The following KCND2 variants were observed in gnomAD, a reference collection of about 807,000 sequenced individuals.
KCND2 encodes the protein potassium voltage-gated channel subfamily D member 2.
Under a neutral mutation model 54.4 loss-of-function variants are expected in KCND2, and 16 were observed. The observed-to-expected ratio is 0.29, with a 90% CI of 0.20 to 0.45. The LOEUF is 0.45. Ranked by LOEUF, KCND2 falls within the 20% of genes least tolerant of loss-of-function variation. The pLI, the probability that KCND2 is intolerant of heterozygous loss-of-function variation, is 1.00. For missense variants in KCND2, 486 were observed against 824.2 expected (o/e 0.59, Z 5.02); for synonymous variants, 317 against 310.7 (o/e 1.02, Z -0.21).
chr7:120,711,167 G>A (rs1285243538), intron 1 of KCND2, among the ~76,000 whole-genome samples: 2 of 151,872 alleles, frequency 1.3e-5, no homozygotes, highest in Non-Finnish European at 2.9e-5. Context: ...TTAAATAAAA[G>A]ATGACAAATT....
chr7:120,468,678 T>C (rs1361626795), intron 1 of KCND2, among the ~76,000 whole-genome samples: 1 of 152,160 alleles, frequency 6.6e-6, no homozygotes, highest in Non-Finnish European at 1.5e-5. Flanking sequence ...CACGATTTTA[T>C]TTACATATTT....
At chr7:120,633,653 T>G (rs1793266528) in intron 1 of KCND2, among the ~76,000 whole-genome samples, 1 of 152,164 alleles carries the variant, frequency 6.6e-6, no homozygotes, top group Non-Finnish European at 1.5e-5. Context: ...ATTAAGAAAG[T>G]TTGGTGACTT....
intron 1 of KCND2, among the ~76,000 whole-genome samples, chr7:120,382,416 T>C (rs148268463): frequency 7.2e-4 from 109 of 152,038 alleles, no homozygotes; most frequent in African/African-American, 2.6e-3. Flanking sequence ...ATAGAATAAT[T>C]CTAATACATT....
chr7:120,368,503 C>T lies in KCND2; in HGVS notation c.1115+92756C>T, dbSNP rs114034440. On this transcript the variant is annotated intron_variant, in intron 1 of 5. Transcript: ENST00000331113. The stretch of plus-strand genomic sequence containing the variant: ...CATGGGAATGACCAATCATCTTTTT[C>T]ATTCTAAAAGTGACTTTTCTCTACC... Among the ~76,000 whole-genome samples, 453 of 152,136 alleles carry T rather than the reference C, an allele frequency of 3.0e-3. 2 individuals carry two copies. Among genetic ancestry groups the T allele is most frequent in the African/African-American group, 0.01 (431 of 41,556 alleles).
chr7:120,482,388 A>T (rs1011490271), intron 1 of KCND2, among the ~76,000 whole-genome samples: 1 of 152,154 alleles, frequency 6.6e-6, no homozygotes, highest in Non-Finnish European at 1.5e-5. Context: ...TGGCACTGGA[A>T]CCAGTTAAAA....
chr7:120,377,050 G>T (rs1020799087), intron 1 of KCND2, among the ~76,000 whole-genome samples: 1 of 151,892 alleles, frequency 6.6e-6, no homozygotes, highest in African/African-American at 2.4e-5. Context: ...CAGTGTTGAA[G>T]AAACTGCTGA....
intron 1 of KCND2, among the ~76,000 whole-genome samples, chr7:120,527,774 A>G (rs1034555488): frequency 2.0e-5 from 3 of 151,810 alleles, no homozygotes; most frequent in African/African-American, 7.3e-5. Context: ...CTGCCTCCTC[A>G]CTCTTCCCAA....
intron 1 of KCND2, among the ~76,000 whole-genome samples, chr7:120,565,662 A>C (rs781505398): frequency 6.6e-6 from 1 of 152,196 alleles, no homozygotes; most frequent in Non-Finnish European, 1.5e-5. Context: ...GGTTTTTAAA[A>C]TAAAGTGCAT....
At chr7:120,562,383 A>G (rs1452840880) in intron 1 of KCND2, among the ~76,000 whole-genome samples, 2 of 152,236 alleles carry the variant, frequency 1.3e-5, no homozygotes, top group Non-Finnish European at 2.9e-5. Flanking sequence ...TTCAAGAAAG[A>G]CAAGGACTAA....
At chr7:120,700,605 G>A (rs375508708) in intron 1 of KCND2, among the ~76,000 whole-genome samples, 2 of 152,176 alleles carry the variant, frequency 1.3e-5, no homozygotes, top group East Asian at 1.9e-4. Context: ...AAACTTTGGA[G>A]AATTTAAAAA....
At chr7:120,619,288 G>C (rs1265850402) in intron 1 of KCND2, among the ~76,000 whole-genome samples, 1 of 152,138 alleles carries the variant, frequency 6.6e-6, no homozygotes, top group Non-Finnish European at 1.5e-5. Context: ...AAATTAGCGG[G>C]ACATGGTAGC....
chr7:120,310,455 T>C (rs1006341518), intron 1 of KCND2, among the ~76,000 whole-genome samples: 1 of 152,194 alleles, frequency 6.6e-6, no homozygotes, highest in African/African-American at 2.4e-5. Flanking sequence ...AATTGGCATC[T>C]GTCAACTATA....
intron 1 of KCND2, among the ~76,000 whole-genome samples, chr7:120,371,437 A>G (rs1301371623): frequency 2.0e-5 from 3 of 152,068 alleles, no homozygotes. Context: ...TTCTTAGACT[A>G]TCTAAACCAG....
At chr7:120,671,498 A>G (rs112401091) in intron 1 of KCND2, among the ~76,000 whole-genome samples, 3 of 152,070 alleles carry the variant, frequency 2.0e-5, no homozygotes, top group African/African-American at 4.8e-5. Flanking sequence ...TGAGTTCTGG[A>G]TACAGGAGCC....
chr7:120,377,553 C>G (rs1381052241), intron 1 of KCND2, among the ~76,000 whole-genome samples: 1 of 70,686 alleles, frequency 1.4e-5, no homozygotes, highest in Non-Finnish European at 4.5e-5. Flanking sequence ...TCTCATTTCC[C>G]TCACCCCAAG....
intron 1 of KCND2, among the ~76,000 whole-genome samples, chr7:120,643,658 T>C (rs1014610123): frequency 1.3e-5 from 2 of 151,952 alleles, no homozygotes; most frequent in Non-Finnish European, 2.9e-5. Flanking sequence ...ATAAGGATCA[T>C]AACAACTTAT....
chr7:120,329,738 G>C (rs1800035620), intron 1 of KCND2, among the ~76,000 whole-genome samples: 1 of 152,054 alleles, frequency 6.6e-6, no homozygotes, highest in Non-Finnish European at 1.5e-5. Context: ...CCCTTAAATT[G>C]GATATTTTAG....
chr7:120,704,770 G>A (rs575093235), intron 1 of KCND2, among the ~76,000 whole-genome samples: 170 of 152,202 alleles, frequency 1.1e-3, no homozygotes, highest in Non-Finnish European at 2.1e-3. Context: ...TATCATTGGA[G>A]CAACCCTGTG....
chr7:120,597,930 G>C (rs1295797037), intron 1 of KCND2, among the ~76,000 whole-genome samples: 3 of 151,998 alleles, frequency 2.0e-5, no homozygotes, highest in African/African-American at 7.2e-5. Context: ...TCTGTCCCTA[G>C]GGTACTCTTC....
Sources: gnomAD v4.1 joint callset for allele counts (sites outside exome capture counted in the v4.1 genomes callset) on GRCh38, gnomAD v4.1.1 for gene constraint, MANE v1.5 for transcripts, NCBI Gene and HGNC (gene_info 2026-07-23, HGNC 2026-07-21) for gene names.